The following NEDD4L variants were observed in gnomAD, a reference collection of about 807,000 sequenced individuals.
NEDD4L encodes NEDD4 like E3 ubiquitin protein ligase, also known as E3 ubiquitin-protein ligase NEDD4-like.
In NEDD4L, 54 loss-of-function variants were observed where a neutral mutation model predicts 148.9. That is an observed-to-expected ratio of 0.36 (90% CI 0.29 to 0.45). The LOEUF is 0.45. NEDD4L is among the 20% of genes least tolerant of loss of function. NEDD4L has a pLI of 1.00. For missense variants in NEDD4L, 856 were observed against 1,233.8 expected, an observed-to-expected ratio of 0.69 and a Z score of 4.59; for synonymous variants, 433 against 440.7, an observed-to-expected ratio of 0.98 and a Z score of 0.22.
intron 1 of NEDD4L, among the ~76,000 whole-genome samples, chr18:58,156,593 A>AC: frequency 6.6e-6 from 1 of 150,954 alleles, no homozygotes; most frequent in Middle Eastern, 3.4e-3. Flanking sequence ...TCATTATCCT[A>AC]CCCCCCACCG....
chr18:58,334,252 A>T (rs1404502657), intron 12 of NEDD4L, among the ~76,000 whole-genome samples: 1 of 152,182 alleles, frequency 6.6e-6, no homozygotes, highest in Non-Finnish European at 1.5e-5. Flanking sequence ...AGTCCCTTTA[A>T]CCAGGAAGAA....
chr18:58,279,776 T>C (rs1053778749), intron 5 of NEDD4L, among the ~76,000 whole-genome samples: 2 of 152,224 alleles, frequency 1.3e-5, no homozygotes, highest in Non-Finnish European at 2.9e-5. Flanking sequence ...GAGCAAACTT[T>C]CTGTAAAAGG....
intron 27 of NEDD4L, chr18:58,387,729 G>T (rs142043197): frequency 4.9e-4 from 210 of 428,778 alleles, no homozygotes; most frequent in African/African-American, 3.9e-3. Flanking sequence ...ATAATCAGCT[G>T]TAGTTGCCTT....
At chr18:58,385,195 C>T (rs2048845535) in intron 25 of NEDD4L, among the ~76,000 whole-genome samples, 1 of 152,150 alleles carries the variant, frequency 6.6e-6, no homozygotes, top group African/African-American at 2.4e-5. Flanking sequence ...GAACTTTTCC[C>T]TTTTCTCCAT....
At chr18:58,092,084 A>C (rs957173848) in intron 1 of NEDD4L, among the ~76,000 whole-genome samples, 1 of 152,254 alleles carries the variant, frequency 6.6e-6, no homozygotes, top group Admixed American at 6.5e-5. Context: ...CAGGTAAATA[A>C]ATCTTGGAAG....
intron 5 of NEDD4L, among the ~76,000 whole-genome samples, chr18:58,312,995 C>A (rs565776763): frequency 2.6e-5 from 4 of 152,046 alleles, no homozygotes; most frequent in African/African-American, 7.2e-5. Context: ...TGTTTTTAAT[C>A]GGTGTAGTGT....
chr18:58,115,245 C>CTTTTTTT (rs60541981), intron 1 of NEDD4L, among the ~76,000 whole-genome samples: 8 of 129,524 alleles, frequency 6.2e-5, no homozygotes, highest in South Asian at 2.4e-4. Flanking sequence ...TTCTTTCTTT[C>CTTTTTTT]TTTTTTTTTT....
At position 58,163,830 on chromosome 18, in the gene NEDD4L, C is replaced by G. The variant is rs1490060484; in HGVS notation, c.49-1958C>G. Among the ~76,000 whole-genome samples, 3 of 152,222 alleles carry G rather than the reference C, an allele frequency of 2.0e-5. No homozygotes were observed. The South Asian group carries it at 6.2e-4, about 32-fold the overall frequency. ...TCCATTGCATGAATGTATGTTTGATCTATGCAGCTAATTGACAAAGATCCA... is the reference window on the plus strand; with the variant it reads ...TCCATTGCATGAATGTATGTTTGATGTATGCAGCTAATTGACAAAGATCCA... On this transcript the variant is annotated intron_variant, in intron 1 of 30. Coordinates refer to ENST00000400345, the MANE Select transcript of NEDD4L (RefSeq NM_001144967.3).
intron 1 of NEDD4L, among the ~76,000 whole-genome samples, chr18:58,048,461 A>C (rs951205122): frequency 2.0e-5 from 3 of 152,228 alleles, no homozygotes; most frequent in Non-Finnish European, 2.9e-5. Flanking sequence ...CAGATGAGGA[A>C]TGAAAGCTCA....
At chr18:58,113,971 C>G (rs2085591128) in intron 1 of NEDD4L, among the ~76,000 whole-genome samples, 1 of 152,190 alleles carries the variant, frequency 6.6e-6, no homozygotes, top group Non-Finnish European at 1.5e-5. Flanking sequence ...GTTTTCTGTC[C>G]TCTGTCCCCT....
chr18:58,358,183 C>A (rs2044961232), intron 19 of NEDD4L, among the ~76,000 whole-genome samples: 1 of 152,160 alleles, frequency 6.6e-6, no homozygotes, highest in African/African-American at 2.4e-5. Flanking sequence ...AAGATACATC[C>A]ATTTGAAAAC....
intron 11 of NEDD4L, among the ~76,000 whole-genome samples, chr18:58,333,353 T>A (rs1427002765): frequency 3.9e-5 from 6 of 151,934 alleles, no homozygotes; most frequent in Admixed American, 2.6e-4. Flanking sequence ...ATGTCTGAGC[T>A]CCTCTGAATA....
intron 18 of NEDD4L, among the ~76,000 whole-genome samples, chr18:58,355,222 A>T (rs965394372): frequency 6.6e-6 from 1 of 152,196 alleles, no homozygotes; most frequent in African/African-American, 2.4e-5. Flanking sequence ...TCAGGGAAAA[A>T]AAATGAGCCC....
intron 5 of NEDD4L, among the ~76,000 whole-genome samples, chr18:58,285,801 A>T (rs1173567159): frequency 1.3e-5 from 2 of 152,250 alleles, no homozygotes; most frequent in African/African-American, 4.8e-5. Context: ...TATTGAAATT[A>T]AAGTAAATAT....
At chr18:58,140,281 A>T (rs1020669991) in intron 1 of NEDD4L, among the ~76,000 whole-genome samples, 6 of 152,200 alleles carry the variant, frequency 3.9e-5, no homozygotes, top group African/African-American at 1.4e-4. Flanking sequence ...TCCACCTATG[A>T]ATTTGCCCGG....
At chr18:58,045,299 C>T (rs2081524077) in intron 1 of NEDD4L, 4 of 396,158 alleles carry the variant, frequency 1.0e-5, no homozygotes, top group Admixed American at 4.4e-5. Flanking sequence ...TTCGGAGCCT[C>T]GGTGGGGGAG....
intron 1 of NEDD4L, among the ~76,000 whole-genome samples, chr18:58,126,452 A>C (rs1392722895): frequency 7.1e-6 from 1 of 140,796 alleles, no homozygotes; most frequent in Non-Finnish European, 1.5e-5. Context: ...GTGTGATAGC[A>C]TGCATCAGTA....
intron 1 of NEDD4L, among the ~76,000 whole-genome samples, chr18:58,102,297 G>A (rs1478874681): frequency 3.3e-5 from 5 of 152,118 alleles, no homozygotes; most frequent in African/African-American, 1.2e-4. Flanking sequence ...ACAGGGCCTA[G>A]GAAGACTGAT....
intron 5 of NEDD4L, among the ~76,000 whole-genome samples, chr18:58,284,936 T>G (rs2053671842): frequency 6.6e-6 from 1 of 152,180 alleles, no homozygotes; most frequent in South Asian, 2.1e-4. Flanking sequence ...TTCCTGTTTG[T>G]GGCTCTCATG....
Sources: gnomAD v4.1 joint callset for allele counts (sites outside exome capture counted in the v4.1 genomes callset) on GRCh38, gnomAD v4.1.1 for gene constraint, MANE v1.5 for transcripts, NCBI Gene and HGNC (gene_info 2026-07-23, HGNC 2026-07-21) for gene names.